WSCD1: variants seen among roughly 807,000 people sequenced by gnomAD.
WSCD1 encodes the protein sialate:O-sulfotransferase 1.
WSCD1 carries 41 observed loss-of-function variants against 60.4 expected under a neutral mutation model. The ratio of observed to expected loss-of-function variants is 0.68; its 90% CI spans 0.53 to 0.88. WSCD1 has a LOEUF of 0.88. Ranked by LOEUF, WSCD1 falls within the 40% of genes least tolerant of loss-of-function variation. The pLI is 0.00. For missense variants in WSCD1, 784 were observed against 796.2 expected (o/e 0.98, Z 0.18); for synonymous variants, 361 against 332.5 (o/e 1.09, Z -0.93).
intron 7 of WSCD1, among the ~76,000 whole-genome samples, chr17:6,111,806 C>T (rs1025471598): frequency 6.6e-6 from 1 of 150,764 alleles, no homozygotes; most frequent in African/African-American, 2.4e-5. Flanking sequence ...GTATGAAATA[C>T]CTGAAAAGTA....
At chr17:6,099,375 T>A (rs1468578253) in intron 5 of WSCD1, among the ~76,000 whole-genome samples, 1 of 151,620 alleles carries the variant, frequency 6.6e-6, no homozygotes, top group Admixed American at 6.6e-5. Flanking sequence ...ATTAGCCAGG[T>A]GTGGTGGCGC....
At chr17:6,114,261 C>T (rs1190573979) in intron 7 of WSCD1, among the ~76,000 whole-genome samples, 1 of 151,696 alleles carries the variant, frequency 6.6e-6, no homozygotes, top group African/African-American at 2.4e-5. Flanking sequence ...AGATGAATAC[C>T]ACATGCTCTC....
chr17:6,110,890 T>A lies in WSCD1; in HGVS notation c.1129T>A (p.Phe377Ile). 1 of 1,613,630 alleles carries A rather than the reference T, an allele frequency of 6.2e-7. No individual in the cohort carries two copies. Among genetic ancestry groups the A allele is most frequent in the Non-Finnish European group, 8.5e-7 (1 of 1,179,632 alleles). ...ARHLIEHATGFYTGSYYFDGT... is the reference protein window; with the variant it reads ...ARHLIEHATGIYTGSYYFDGT... Reference sequence around the variant, plus strand: ...GCACCTCATTGAGCATGCCACTGGCTTCTATACAGGGAGCTACTACTTTGA... The same window carrying A: ...GCACCTCATTGAGCATGCCACTGGCATCTATACAGGGAGCTACTACTTTGA... Residue 377 changes from phenylalanine to isoleucine, a missense_variant, in exon 7 of 9, where the codon TTC (phenylalanine) becomes ATC (isoleucine). Phe to Ile is a conservative substitution (Grantham distance 21). Transcript: ENST00000317744. The surrounding 1 kb of genome is among the most constrained non-coding windows in gnomAD (Gnocchi z 4.8).
intron 6 of WSCD1, 77 bp downstream of exon 6, chr17:6,109,843 G>A: frequency 6.4e-7 from 1 of 1,554,614 alleles, no homozygotes; most frequent in South Asian, 1.2e-5. Context: ...GGAGATGCCA[G>A]TCATGGCCAA....
intron 5 of WSCD1, among the ~76,000 whole-genome samples, chr17:6,103,687 C>G (rs1362951313): frequency 6.6e-6 from 1 of 152,180 alleles, no homozygotes; most frequent in Admixed American, 6.5e-5. Context: ...GTGTGTGCTA[C>G]AGCGCACGGA....
intron 2 of WSCD1, among the ~76,000 whole-genome samples, chr17:6,086,555 T>C (rs1567551994): frequency 6.6e-6 from 1 of 152,120 alleles, no homozygotes; most frequent in Non-Finnish European, 1.5e-5. Context: ...GGTTTCACCA[T>C]GTTGACCAGG....
In WSCD1 at chr17:6,120,915, C is replaced by A; in HGVS notation, c.*254C>A. 1.9e-6 allele frequency: 1 copy of A among 529,096 alleles called. No individual in the cohort carries two copies. The highest frequency in any genetic ancestry group is 3.4e-6 in the Non-Finnish European group (1 of 297,346). The allele number at this position is 529,096 out of a possible 1,614,324, so 32.8% of individuals were successfully genotyped here. On this transcript the variant is annotated 3_prime_UTR_variant, in exon 9 of 9. Coordinates refer to ENST00000317744, the MANE Select transcript of WSCD1 (RefSeq NM_015253.2). ...CTCAGACACCACTCCAGGCTCATAG[C>A]CCCGTCTTGATGCAGAGAAGCCACC...
intron 8 of WSCD1, 87 bp from the exon 9 acceptor site, chr17:6,120,222 A>T: frequency 1.4e-6 from 2 of 1,421,624 alleles, no homozygotes; most frequent in South Asian, 2.6e-5. Flanking sequence ...AACCCTGCCC[A>T]CTTCCCTCTC....
chr17:6,084,566 A>G (rs1275283011), intron 2 of WSCD1, among the ~76,000 whole-genome samples: 1 of 152,250 alleles, frequency 6.6e-6, no homozygotes, highest in Non-Finnish European at 1.5e-5. Context: ...ATTTCATTAT[A>G]CCTTGGACAA....
rs1422098625 is a variant in WSCD1 at position 6,101,511 on chromosome 17, A to C, written c.849+6288A>C. Reference sequence around the variant, plus strand: ...ATCTGAGGCTTATTTGTGGCCCCAGATAAAATGTCTACTGTTTTTGCTAGT... The same window carrying C: ...ATCTGAGGCTTATTTGTGGCCCCAGCTAAAATGTCTACTGTTTTTGCTAGT... On this transcript the variant is annotated intron_variant, in intron 5 of 8. Coordinates refer to ENST00000317744, the MANE Select transcript of WSCD1 (RefSeq NM_015253.2). The surrounding 1 kb of genome is among the most constrained non-coding windows in gnomAD (Gnocchi z 4.1). Among the ~76,000 whole-genome samples the C allele has an allele frequency of 1.3e-5, 2 of 152,156 alleles. No homozygotes were observed. Among genetic ancestry groups the C allele is most frequent in the East Asian group, 3.9e-4 (2 of 5,182 alleles).
chr17:6,090,868 CT>C (rs1038950323), intron 4 of WSCD1, among the ~76,000 whole-genome samples: 44 of 152,012 alleles, frequency 2.9e-4, no homozygotes, highest in African/African-American at 8.2e-4. Flanking sequence ...AGATTTCTTT[CT>C]TTTTTTTAAT....
chr17:6,072,728 C>T (rs1045787926), intron 1 of WSCD1, among the ~76,000 whole-genome samples: 1 of 152,230 alleles, frequency 6.6e-6, no homozygotes, highest in African/African-American at 2.4e-5. Context: ...CCGCTCACCA[C>T]CTTCTCCCTG....
intron 2 of WSCD1, among the ~76,000 whole-genome samples, chr17:6,086,376 C>A (rs182053774): frequency 2.6e-5 from 4 of 151,404 alleles, no homozygotes; most frequent in African/African-American, 9.7e-5. Context: ...TGCTCTGTCA[C>A]CCAGGCTGGA....
intron 8 of WSCD1, among the ~76,000 whole-genome samples, chr17:6,119,719 A>G (rs1433530349): frequency 1.3e-5 from 2 of 152,252 alleles, no homozygotes; most frequent in African/African-American, 4.8e-5. Context: ...TTCTCACATT[A>G]AAAACAAGGA....
intron 7 of WSCD1, among the ~76,000 whole-genome samples, chr17:6,115,139 A>T (rs1337240563): frequency 6.6e-6 from 1 of 152,228 alleles, no homozygotes; most frequent in Non-Finnish European, 1.5e-5. Context: ...TTCATTTCTA[A>T]CAAGCTCCCA....
chr17:6,087,391 C>T (rs1909724749), intron 2 of WSCD1, among the ~76,000 whole-genome samples: 1 of 152,328 alleles, frequency 6.6e-6, no homozygotes, highest in South Asian at 2.1e-4. Context: ...TGTTGTTTCC[C>T]ACACAGGACA....
intron 5 of WSCD1, among the ~76,000 whole-genome samples, chr17:6,096,817 G>T (rs1197987190): frequency 6.6e-6 from 1 of 152,192 alleles, no homozygotes; most frequent in African/African-American, 2.4e-5. Flanking sequence ...TCCCTTGAGA[G>T]GCCCTCTGGT....
rs1254543944 is a variant in WSCD1, at chr17:6,121,558, T to C, written c.*897T>C. The C allele has an allele frequency of 1.3e-5, 2 of 152,194 alleles. No individual in the cohort carries two copies. Among genetic ancestry groups the C allele is most frequent in the African/African-American group, 2.4e-5 (1 of 41,410 alleles). The allele number at this position is 152,194 out of a possible 1,614,324, so 9.4% of individuals were successfully genotyped here. On this transcript the variant is annotated 3_prime_UTR_variant, in exon 9 of 9. Coordinates refer to ENST00000317744, the MANE Select transcript of WSCD1 (RefSeq NM_015253.2). ...ATGCCCCAGAAGCAAGGTGTAAGCA[T>C]GGGGGCGTGGGGAAGAGGGCAGGAG...
intron 4 of WSCD1, 109 bp downstream of exon 4, chr17:6,090,614 C>G: frequency 7.1e-7 from 1 of 1,406,182 alleles, no homozygotes. Flanking sequence ...CCTGTGCCAA[C>G]CTCTGCCCTC....
Sources: gnomAD v4.1 joint callset for allele counts (sites outside exome capture counted in the v4.1 genomes callset) on GRCh38, gnomAD v4.1.1 for gene constraint, Gnocchi (gnomAD v3.1) non-coding constraint, MANE v1.5 for transcripts, NCBI Gene and HGNC (gene_info 2026-07-23, HGNC 2026-07-21) for gene names.